Variants in PARD3 observed in about 807,000 individuals in gnomAD.
The protein encoded by PARD3 is par-3 family cell polarity regulator, also known as partitioning defective 3 homolog.
A neutral mutation model predicts 155.4 loss-of-function variants in PARD3; 75 were observed. That is an observed-to-expected ratio of 0.48 (90% CI 0.40 to 0.58). PARD3 has a LOEUF of 0.58. Ranked by LOEUF, PARD3 falls within the 20% of genes least tolerant of loss-of-function variation. PARD3 has a pLI of 0.00. For missense variants in PARD3, 1,642 were observed against 1,721.7 expected, an observed-to-expected ratio of 0.95 and a Z score of 0.82; for synonymous variants, 576 against 610.5, an observed-to-expected ratio of 0.94 and a Z score of 0.83.
intron 12 of PARD3, among the ~76,000 whole-genome samples, chr10:34,369,733 C>T (rs1226869092): frequency 1.3e-5 from 2 of 152,106 alleles, no homozygotes; most frequent in Non-Finnish European, 2.9e-5. Flanking sequence ...ATGGTTTGCT[C>T]CAAAATCAAC....
chr10:34,588,742 G>T (rs1368759775), intron 2 of PARD3, among the ~76,000 whole-genome samples: 1 of 152,176 alleles, frequency 6.6e-6, no homozygotes, highest in African/African-American at 2.4e-5. Context: ...CACTGAACCT[G>T]CAAATTGTGC....
At chr10:34,532,289 C>T (rs1409712667) in intron 2 of PARD3, among the ~76,000 whole-genome samples, 1 of 151,936 alleles carries the variant, frequency 6.6e-6, no homozygotes, top group East Asian at 1.9e-4. Context: ...AAATTTTTAA[C>T]ATGCCAAATC....
At chr10:34,798,594 G>T (rs533094009) in intron 1 of PARD3, among the ~76,000 whole-genome samples, 1 of 151,010 alleles carries the variant, frequency 6.6e-6, no homozygotes, top group Admixed American at 6.6e-5. Context: ...AACCCGAGCC[G>T]CTCAGGAAGC....
intron 20 of PARD3, 64 bp from the exon 21 acceptor site, chr10:34,284,309 TA>T: frequency 1.1e-6 from 1 of 902,036 alleles, no homozygotes. Flanking sequence ...TTGTTTGTGG[TA>T]ATGACATATA....
intron 5 of PARD3, among the ~76,000 whole-genome samples, chr10:34,437,413 C>T (rs371356655): frequency 3.3e-5 from 5 of 151,934 alleles, no homozygotes; most frequent in African/African-American, 1.2e-4. Context: ...TATCCATGTA[C>T]AAAAAAAGCT....
chr10:34,556,175 T>C (rs2084964363), intron 2 of PARD3, among the ~76,000 whole-genome samples: 2 of 152,226 alleles, frequency 1.3e-5, no homozygotes, highest in African/African-American at 2.4e-5. Flanking sequence ...TAGTTCTTGT[T>C]TCCCTTAACT....
At chr10:34,288,416 A>T (rs775561600) in intron 20 of PARD3, among the ~76,000 whole-genome samples, 5 of 152,210 alleles carry the variant, frequency 3.3e-5, no homozygotes, top group Non-Finnish European at 5.9e-5. Flanking sequence ...TATTCTGACA[A>T]ATGAAATCAA....
chr10:34,651,760 A>G (rs1459770184), intron 2 of PARD3, among the ~76,000 whole-genome samples: 1 of 152,204 alleles, frequency 6.6e-6, no homozygotes, highest in Admixed American at 6.5e-5. Flanking sequence ...TTTTTGGTAG[A>G]ACAAAGTGGA....
chr10:34,346,373 C>T (rs1342993425), intron 15 of PARD3: 3 of 1,313,586 alleles, frequency 2.3e-6, no homozygotes, highest in Non-Finnish European at 3.0e-6. Context: ...TCTGAAGCAT[C>T]AGGGATTGGA....
chr10:34,503,057 A>T (rs1032285464), intron 3 of PARD3, among the ~76,000 whole-genome samples: 1 of 133,102 alleles, frequency 7.5e-6, no homozygotes, highest in Non-Finnish European at 1.6e-5. Context: ...TCTGGTTATT[A>T]AAAAAAATTG....
intron 11 of PARD3, among the ~76,000 whole-genome samples, chr10:34,373,795 A>G (rs1251218577): frequency 1.3e-5 from 2 of 152,032 alleles, no homozygotes; most frequent in African/African-American, 4.8e-5. Context: ...ACCTGTGTGT[A>G]ACCAGGGGAT....
At chr10:34,431,603 G>A (rs2075903335) in intron 5 of PARD3, among the ~76,000 whole-genome samples, 1 of 151,878 alleles carries the variant, frequency 6.6e-6, no homozygotes, top group African/African-American at 2.4e-5. Flanking sequence ...AGCTAGGCAT[G>A]GTGGTGTGTG....
chr10:34,390,490 T>C (rs994426673), intron 7 of PARD3, among the ~76,000 whole-genome samples: 14 of 152,170 alleles, frequency 9.2e-5, no homozygotes, highest in African/African-American at 3.4e-4. Flanking sequence ...TGCTAAATGA[T>C]TTACATATAT....
At chr10:34,484,861 T>C (rs1013671924) in intron 3 of PARD3, among the ~76,000 whole-genome samples, 3 of 152,226 alleles carry the variant, frequency 2.0e-5, no homozygotes, top group African/African-American at 7.2e-5. Flanking sequence ...GGAAAGCCTC[T>C]GACCACTCCT....
chr10:34,230,757 G>A (rs2254946), intron 22 of PARD3, among the ~76,000 whole-genome samples: 2,153 of 152,236 alleles, frequency 0.014, 50 homozygotes, highest in African/African-American at 0.043. Context: ...GATTGGTGTG[G>A]TGGCTCACGC....
chr10:34,448,808 A>AAAATT (rs557278638), intron 5 of PARD3, among the ~76,000 whole-genome samples: 6 of 152,148 alleles, frequency 3.9e-5, no homozygotes, highest in Non-Finnish European at 8.8e-5. Context: ...TTATCTCAAA[A>AAAATT]AAATTAAATT....
rs1170617641 is a variant in PARD3 at position 34,684,830 on chromosome 10, CAT to C, written c.222+11486_222+11487del. On this transcript the variant is annotated intron_variant, in intron 2 of 24. Transcript: ENST00000374788. Reference sequence around the variant, plus strand: ...ACACACACACACACACACACACACACATATATACACACACACATATATATACA... The same window carrying C: ...ACACACACACACACACACACACACACATATACACACACACATATATATACA... Among the ~76,000 whole-genome samples the C allele has an allele frequency of 1.8e-3, 85 of 48,538 alleles. 1 individual carries two copies. The highest frequency in any genetic ancestry group is 0.023 in the Middle Eastern group (2 of 88). 31.8% of individuals were successfully genotyped at this position (48,538 alleles called of 152,430 possible). A position where few individuals can be genotyped will look rare whatever the true frequency, so the allele number is the denominator to read the frequency against.
intron 22 of PARD3, among the ~76,000 whole-genome samples, chr10:34,269,151 G>A (rs1955489724): frequency 6.6e-6 from 1 of 151,998 alleles, no homozygotes; most frequent in African/African-American, 2.4e-5. Context: ...TAGACCTGTG[G>A]TCTGTGGCTG....
At chr10:34,196,617 A>G (rs934896430) in intron 22 of PARD3, among the ~76,000 whole-genome samples, 1 of 120,710 alleles carries the variant, frequency 8.3e-6, no homozygotes, top group African/African-American at 3.4e-5. Flanking sequence ...TCTGTCGCCC[A>G]GGCTGGAGTG....
Sources: allele counts gnomAD v4.1 joint callset (sites outside exome capture counted in the v4.1 genomes callset), GRCh38; gene constraint gnomAD v4.1.1; transcripts MANE v1.5; gene names NCBI Gene and HGNC (gene_info 2026-07-23, HGNC 2026-07-21).